Variants in WDPCP observed in about 807,000 individuals in gnomAD.
The protein encoded by WDPCP is WD repeat-containing and planar cell polarity effector protein fritz homolog.
A neutral mutation model predicts 93.1 loss-of-function variants in WDPCP; 71 were observed. The ratio of observed to expected loss-of-function variants is 0.76; its 90% CI spans 0.63 to 0.93. The LOEUF (loss-of-function observed/expected upper bound fraction) is 0.93. Ranked by LOEUF, WDPCP falls within the 40% of genes least tolerant of loss-of-function variation. The pLI is 0.00. For missense variants in WDPCP, 844 were observed against 887.4 expected (o/e 0.95, Z 0.62); for synonymous variants, 315 against 315.0 (o/e 1.00, Z 0.00).
intron 14 of WDPCP, among the ~76,000 whole-genome samples, chr2:63,236,143 CAAAATCAATGTACA>C (rs1679374003): frequency 6.6e-6 from 1 of 152,086 alleles, no homozygotes; most frequent in Admixed American, 6.6e-5. Context: ...GTTTTGGATA[CAAAATCAATGTACA>C]AAAATCAGTG....
intron 3 of WDPCP, among the ~76,000 whole-genome samples, chr2:63,644,470 C>G (rs1011026879): frequency 2.0e-5 from 3 of 152,100 alleles, no homozygotes; most frequent in Non-Finnish European, 4.4e-5. Flanking sequence ...TCTTGAACTC[C>G]TGACCTCGTG....
At chr2:63,393,458 A>T (rs554200281) in intron 10 of WDPCP, among the ~76,000 whole-genome samples, 171 of 152,220 alleles carry the variant, frequency 1.1e-3, no homozygotes, top group African/African-American at 4.0e-3. Context: ...TCAGTAAACC[A>T]ACATGTCACA....
intron 12 of WDPCP, among the ~76,000 whole-genome samples, chr2:63,350,097 A>G (rs1689476332): frequency 6.6e-6 from 1 of 152,222 alleles, no homozygotes; most frequent in South Asian, 2.1e-4. Context: ...TACACCATGG[A>G]ATACTATGCA....
At chr2:63,163,222 T>C (rs980788295) in intron 15 of WDPCP, among the ~76,000 whole-genome samples, 4 of 152,216 alleles carry the variant, frequency 2.6e-5, no homozygotes, top group Non-Finnish European at 4.4e-5. Flanking sequence ...CATTATCAGT[T>C]TTCTTAAAAA....
chr2:63,647,637 C>A (rs1710066778), intron 3 of WDPCP, among the ~76,000 whole-genome samples: 1 of 152,140 alleles, frequency 6.6e-6, no homozygotes, highest in Non-Finnish European at 1.5e-5. Flanking sequence ...AGGAAAGTGA[C>A]TGCCTATAAA....
chr2:63,136,015 G>A (rs1264737501), intron 17 of WDPCP, among the ~76,000 whole-genome samples: 3 of 152,178 alleles, frequency 2.0e-5, no homozygotes, highest in Non-Finnish European at 4.4e-5. Flanking sequence ...TTACAGGTGT[G>A]AGCCACTGCA....
intron 14 of WDPCP, among the ~76,000 whole-genome samples, chr2:63,216,872 T>C (rs1677400209): frequency 6.6e-6 from 1 of 152,166 alleles, no homozygotes; most frequent in Non-Finnish European, 1.5e-5. Flanking sequence ...AGGACTACTA[T>C]AATGAAAATG....
intron 3 of WDPCP, chr2:63,605,535 G>A: frequency 1.5e-6 from 1 of 654,892 alleles, no homozygotes. Context: ...TAAACTTCGG[G>A]GTTTGTTAGC....
intron 3 of WDPCP, among the ~76,000 whole-genome samples, chr2:63,606,638 TA>T (rs1296907895): frequency 6.6e-6 from 1 of 152,124 alleles, no homozygotes; most frequent in Non-Finnish European, 1.5e-5. Flanking sequence ...ATAACTGTGC[TA>T]AAGTCAGTCA....
intron 14 of WDPCP, among the ~76,000 whole-genome samples, chr2:63,251,052 C>T (rs1680672088): frequency 6.6e-6 from 1 of 152,034 alleles, no homozygotes. Flanking sequence ...TAACATCACA[C>T]CTAGAGGAAC....
In WDPCP at chr2:63,506,606, T is replaced by C. The variant is rs1701890696; in HGVS notation, c.76-13666A>G. ...GGAGGAAGTCAAAAAGCACACGTAC[T>C]GGAACCCTAGAAAAGCTCAGAAACT... On this transcript the variant is annotated intron_variant, in intron 1 of 17. Transcript: ENST00000272321. Among the ~76,000 whole-genome samples, 5 of 152,226 alleles carry C rather than the reference T, an allele frequency of 3.3e-5. No homozygotes were observed. The South Asian group carries it at 1.0e-3, about 32-fold the overall frequency.
chr2:63,199,145 G>C (rs1675689018), intron 14 of WDPCP, among the ~76,000 whole-genome samples: 3 of 152,140 alleles, frequency 2.0e-5, no homozygotes, highest in Non-Finnish European at 2.9e-5. Flanking sequence ...TTCTAACAAT[G>C]TGCGGTCATA....
At chr2:63,173,856 T>C (rs933556684) in intron 15 of WDPCP, among the ~76,000 whole-genome samples, 1 of 152,238 alleles carries the variant, frequency 6.6e-6, no homozygotes, top group Non-Finnish European at 1.5e-5. Context: ...ATAATTGATA[T>C]ATACGTATTT....
intron 1 of WDPCP, among the ~76,000 whole-genome samples, chr2:63,506,989 G>C (rs1701919089): frequency 6.6e-6 from 1 of 151,946 alleles, no homozygotes; most frequent in Admixed American, 6.6e-5. Flanking sequence ...CAGAGAAAGA[G>C]AGAGAGAGAA....
chr2:63,788,444 A>G (rs1670500217), intron 2 of WDPCP, among the ~76,000 whole-genome samples: 1 of 152,198 alleles, frequency 6.6e-6, no homozygotes, highest in African/African-American at 2.4e-5. Flanking sequence ...TTACAGACTT[A>G]GCAGTAGTGG....
At chr2:63,432,188 A>T (rs542342811) in intron 9 of WDPCP, among the ~76,000 whole-genome samples, 1 of 152,246 alleles carries the variant, frequency 6.6e-6, no homozygotes, top group East Asian at 1.9e-4. Flanking sequence ...AATAATATCA[A>T]CTCTAGAAAG....
intron 6 of WDPCP, among the ~76,000 whole-genome samples, chr2:63,451,005 AG>A (rs1228627830): frequency 6.6e-6 from 1 of 152,162 alleles, no homozygotes; most frequent in Non-Finnish European, 1.5e-5. Context: ...CCAATCAAAA[AG>A]AATTCAAGAA....
chr2:63,589,126 G>A (rs1172637029), upstream of WDPCP: 2 of 1,614,018 alleles, frequency 1.2e-6, no homozygotes, highest in Non-Finnish European at 1.7e-6. Flanking sequence ...AGGGACTTTT[G>A]GGAGGCAGCT....
intron 14 of WDPCP, among the ~76,000 whole-genome samples, chr2:63,191,417 A>C (rs182185645): frequency 1.4e-4 from 22 of 152,204 alleles, no homozygotes; most frequent in African/African-American, 5.1e-4. Context: ...AAAAATTGGG[A>C]CATTTAGGTG....
Sources: allele counts gnomAD v4.1 joint callset (sites outside exome capture counted in the v4.1 genomes callset), GRCh38; gene constraint gnomAD v4.1.1; transcripts MANE v1.5; gene names NCBI Gene and HGNC (gene_info 2026-07-23, HGNC 2026-07-21).